TC2N: variants seen among roughly 807,000 people sequenced by gnomAD.
TC2N encodes tandem C2 domains nuclear protein.
TC2N carries 51 observed loss-of-function variants against 61.9 expected under a neutral mutation model. That is an observed-to-expected ratio of 0.82 (90% CI 0.66 to 1.04). The LOEUF is 1.04. TC2N is among the 50% of genes least tolerant of loss of function. The pLI is 0.00. For missense variants in TC2N, 556 were observed against 566.7 expected (o/e 0.98, Z 0.19); for synonymous variants, 204 against 192.6 (o/e 1.06, Z -0.49).
chr14:91,803,747 C>T (rs563837519), intron 3 of TC2N, among the ~76,000 whole-genome samples: 148 of 152,286 alleles, frequency 9.7e-4, no homozygotes, highest in African/African-American at 3.4e-3. Flanking sequence ...TGAACCACCA[C>T]GACCAGCCTA....
At chr14:91,807,028 T>C (rs1048448191) in intron 3 of TC2N, among the ~76,000 whole-genome samples, 9 of 152,342 alleles carry the variant, frequency 5.9e-5, no homozygotes, top group Admixed American at 4.6e-4. Flanking sequence ...GCTTGGGCCA[T>C]GGCTTCAGAG....
At chr14:91,816,557 G>A (rs1197885007) in intron 1 of TC2N, among the ~76,000 whole-genome samples, 1 of 151,680 alleles carries the variant, frequency 6.6e-6, no homozygotes, top group East Asian at 1.9e-4. Context: ...CATCCTTCTG[G>A]TTTGTCATTT....
chr14:91,821,818 T>G (rs1887267416), intron 1 of TC2N, among the ~76,000 whole-genome samples: 1 of 151,296 alleles, frequency 6.6e-6, no homozygotes, highest in African/African-American at 2.4e-5. Context: ...AAAAGAAAAA[T>G]AACCCAATTA....
At chr14:91,847,948 G>C (rs535491400) in intron 1 of TC2N, among the ~76,000 whole-genome samples, 82 of 152,270 alleles carry the variant, frequency 5.4e-4, no homozygotes, top group Non-Finnish European at 1.0e-3. Flanking sequence ...CCTAAATCTA[G>C]TTCCATTTGT....
intron 1 of TC2N, among the ~76,000 whole-genome samples, chr14:91,818,682 G>A (rs1284950420): frequency 3.3e-5 from 5 of 152,044 alleles, no homozygotes; most frequent in Non-Finnish European, 7.4e-5. Flanking sequence ...AGATATGGAC[G>A]ATATTAAAAA....
intron 3 of TC2N, among the ~76,000 whole-genome samples, chr14:91,810,918 T>C (rs938597059): frequency 2.0e-5 from 3 of 150,676 alleles, no homozygotes; most frequent in African/African-American, 4.9e-5. Flanking sequence ...AGGTTCAACA[T>C]AGGTATAATC....
chr14:91,820,022 A>G (rs1428733947), intron 1 of TC2N, among the ~76,000 whole-genome samples: 1 of 152,164 alleles, frequency 6.6e-6, no homozygotes, highest in East Asian at 1.9e-4. Flanking sequence ...GAAAACAAAT[A>G]GCAAGATGAT....
At chr14:91,854,267 CTTGAT>C (rs1888434180) in intron 1 of TC2N, among the ~76,000 whole-genome samples, 1 of 152,064 alleles carries the variant, frequency 6.6e-6, no homozygotes, top group Admixed American at 6.5e-5. Context: ...TTACCCTGGG[CTTGAT>C]TTTCCTTATT....
At chr14:91,854,564 G>A (rs1294450539) in intron 1 of TC2N, among the ~76,000 whole-genome samples, 1 of 152,104 alleles carries the variant, frequency 6.6e-6, no homozygotes, top group Non-Finnish European at 1.5e-5. Flanking sequence ...ATTCCTATTT[G>A]AAGATGCAAA....
intron 1 of TC2N, among the ~76,000 whole-genome samples, chr14:91,851,698 T>C (rs977655955): frequency 6.6e-6 from 1 of 152,200 alleles, no homozygotes; most frequent in Non-Finnish European, 1.5e-5. Context: ...TATGTAAAAT[T>C]ATTCAAAGAA....
intron 1 of TC2N, among the ~76,000 whole-genome samples, chr14:91,828,415 A>C (rs1887595575): frequency 6.6e-6 from 1 of 152,022 alleles, no homozygotes; most frequent in South Asian, 2.1e-4. Flanking sequence ...GTATCTCTAA[A>C]AGACAATATT....
At chr14:91,783,444 A>C (rs1400049370) in intron 11 of TC2N, among the ~76,000 whole-genome samples, 1 of 152,050 alleles carries the variant, frequency 6.6e-6, no homozygotes, top group Admixed American at 6.6e-5. Context: ...TCAGTTCAAA[A>C]ATTCAAGGTG....
intron 1 of TC2N, among the ~76,000 whole-genome samples, chr14:91,833,528 A>G (rs890050566): frequency 6.6e-6 from 1 of 152,124 alleles, no homozygotes; most frequent in African/African-American, 2.4e-5. Context: ...ATACACACAC[A>G]TTGGTAGAAG....
intron 1 of TC2N, among the ~76,000 whole-genome samples, chr14:91,826,267 C>T (rs1287245615): frequency 6.6e-6 from 1 of 150,424 alleles, no homozygotes; most frequent in Non-Finnish European, 1.5e-5. Context: ...CTGTGGGAAG[C>T]CGTGATCGCA....
chr14:91,789,983 G>C (rs1219182517), intron 9 of TC2N, among the ~76,000 whole-genome samples: 2 of 152,156 alleles, frequency 1.3e-5, no homozygotes, highest in Non-Finnish European at 2.9e-5. Flanking sequence ...ATACATGGTA[G>C]AGTTAAAAGA....
rs1451216206 is a variant in TC2N at position 91,826,588 on chromosome 14, T to G, written c.-56-12763A>C. On this transcript the variant is annotated intron_variant, in intron 1 of 11. Coordinates refer to ENST00000435962, the MANE Select transcript of TC2N (RefSeq NM_001128596.3). The stretch of plus-strand genomic sequence containing the variant: ...TGGCTTGTCTGATATAACTAGAATT[T>G]CTTTCAGTTAATATTTGCATGTTAT... 3.3e-5 allele frequency among the ~76,000 whole-genome samples: 5 copies of G among 152,280 alleles called. No individual in the cohort carries two copies. The East Asian group carries it at 9.6e-4, about 29-fold the overall frequency.
In TC2N at chr14:91,800,386, T is replaced by C. The variant is rs1293839480; in HGVS notation, c.470-14A>G. ...TTAAATCACAAACTACAAAGGGATATGAGAAAAGTATATATTTTTAAGAAA... is the reference window on the plus strand; with the variant it reads ...TTAAATCACAAACTACAAAGGGATACGAGAAAAGTATATATTTTTAAGAAA... On this transcript the variant is annotated splice_polypyrimidine_tract_variant and intron_variant, in intron 4 of 11. Coordinates refer to ENST00000435962, the MANE Select transcript of TC2N (RefSeq NM_001128596.3). 6.8e-7 allele frequency: 1 copy of C among 1,479,346 alleles called. No homozygotes were observed. The highest frequency in any genetic ancestry group is 9.3e-7 in the Non-Finnish European group (1 of 1,071,310). The allele number at this position is 1,479,346 out of a possible 1,614,324, so 91.6% of individuals were successfully genotyped here.
intron 3 of TC2N, among the ~76,000 whole-genome samples, chr14:91,810,861 G>T (rs1886731446): frequency 6.7e-6 from 1 of 150,368 alleles, no homozygotes; most frequent in South Asian, 2.1e-4. Context: ...GAGAAAAAAA[G>T]ATACTTGAAA....
chr14:91,807,396 T>C (rs1271328953), intron 3 of TC2N, among the ~76,000 whole-genome samples: 4 of 152,128 alleles, frequency 2.6e-5, no homozygotes, highest in African/African-American at 7.2e-5. Context: ...TGAAAGCAGC[T>C]AGGAGGGAAG....
Sources: gnomAD v4.1 joint callset for allele counts (sites outside exome capture counted in the v4.1 genomes callset) on GRCh38, gnomAD v4.1.1 for gene constraint, MANE v1.5 for transcripts, NCBI Gene and HGNC (gene_info 2026-07-23, HGNC 2026-07-21) for gene names.